Variants in TUBGCP2 observed in about 807,000 individuals in gnomAD.
The protein encoded by TUBGCP2 is tubulin gamma complex component 2.
TUBGCP2 carries 55 observed loss-of-function variants against 92.2 expected under a neutral mutation model. The observed-to-expected ratio is 0.60, with a 90% CI of 0.48 to 0.75. The LOEUF (loss-of-function observed/expected upper bound fraction) is 0.75, where lower values mean the gene tolerates loss of function less well. Ranked by LOEUF, TUBGCP2 falls within the 30% of genes least tolerant of loss-of-function variation. TUBGCP2 has a pLI of 0.00. For synonymous variants in TUBGCP2, 533 were observed against 505.2 expected (o/e 1.06, Z -0.74); for missense variants, 1,093 against 1,188.9 (o/e 0.92, Z 1.19).
In TUBGCP2 at chr10:133,285,492, T is replaced by C. The variant is rs998755474; in HGVS notation, c.1859A>G (p.Tyr620Cys). The C allele has an allele frequency of 5.6e-6, 9 of 1,611,938 alleles. No homozygotes were observed. The highest frequency in any genetic ancestry group is 7.6e-6 in the Non-Finnish European group (9 of 1,178,584). Reference sequence around the variant, plus strand: ...GAGCGAAAGGGGCCACTTGACGATGTAGTCGAAAGAGAAGGCCTCCAGGCC... The same window carrying C: ...GAGCGAAAGGGGCCACTTGACGATGCAGTCGAAAGAGAAGGCCTCCAGGCC... ...LSGLEAFSFDYIVKWPLSLII... is the reference protein window; with the variant it reads ...LSGLEAFSFDCIVKWPLSLII... The change falls in exon 12 of 18, where the codon TAC becomes TGC. Residue 620 changes from tyrosine to cysteine, a missense_variant. Physicochemically the swap from Tyr to Cys is radical, Grantham distance 194. Coordinates refer to ENST00000252936, the MANE Select transcript of TUBGCP2 (RefSeq NM_006659.4). The surrounding 1 kb of genome is among the most constrained non-coding windows in gnomAD (Gnocchi z 6.8).
In TUBGCP2 at chr10:133,285,321, A is replaced by C; in HGVS notation, c.1896-108T>G. 8 of 1,591,604 alleles carry C rather than the reference A, an allele frequency of 5.0e-6. No individual in the cohort carries two copies. The highest frequency in any genetic ancestry group is 6.8e-6 in the Non-Finnish European group (8 of 1,171,496). On this transcript the variant is annotated intron_variant, in intron 12 of 17. Coordinates refer to ENST00000252936, the MANE Select transcript of TUBGCP2 (RefSeq NM_006659.4). The surrounding 1 kb of genome is among the most constrained non-coding windows in gnomAD (Gnocchi z 6.8). ...ACCGTGGCCCCCGGACAGCCCGTGA[A>C]TCTCTCGGACACTGAAGGCCGGGGA... is the stretch of plus-strand genomic sequence containing the variant.
chr10:133,305,009 C>G (rs1442051322), intron 1 of TUBGCP2, among the ~76,000 whole-genome samples: 2 of 151,798 alleles, frequency 1.3e-5, no homozygotes, highest in Admixed American at 6.6e-5. Flanking sequence ...CTTAGCAGAC[C>G]GGGAAAGGGA....
At chr10:133,296,118 A>G (rs959751336) in intron 5 of TUBGCP2, 8 of 152,376 alleles carry the variant, frequency 5.3e-5, no homozygotes, top group African/African-American at 1.9e-4. Flanking sequence ...CAAGTCTCAC[A>G]CACTTGCTGC....
Position 133,306,555 on chromosome 10 carries a change from A to T in TUBGCP2, c.-40+2268T>A, listed in dbSNP as rs764347065. Reference sequence around the variant, plus strand: ...GTAATCTCAGCACTTTGGGAAGCCAAGGTGGGCGGATCATGAGGTCAGGAG... The same window carrying T: ...GTAATCTCAGCACTTTGGGAAGCCATGGTGGGCGGATCATGAGGTCAGGAG... On this transcript the variant is annotated intron_variant, in intron 1 of 17. Coordinates refer to ENST00000252936, the MANE Select transcript of TUBGCP2 (RefSeq NM_006659.4). Among the ~76,000 whole-genome samples the T allele has an allele frequency of 1.6e-4, 24 of 152,210 alleles. 1 individual carries two copies. The highest frequency in any genetic ancestry group is 6.5e-4 in the Admixed American group (10 of 15,276).
At position 133,298,769 on chromosome 10, in the gene TUBGCP2, G is replaced by A. The variant is rs145037684; in HGVS notation, c.456+658C>T. Among the ~76,000 whole-genome samples, 616 of 152,358 alleles carry A rather than the reference G, an allele frequency of 4.0e-3. 7 individuals carry two copies. Among genetic ancestry groups the A allele is most frequent in the African/African-American group, 0.014 (587 of 41,578 alleles). ...GTCTTCTGCCACGGCTGAGGGAGACGTGGACAGAGGCCTAGCACCATGTCC... is the reference window on the plus strand; with the variant it reads ...GTCTTCTGCCACGGCTGAGGGAGACATGGACAGAGGCCTAGCACCATGTCC... On this transcript the variant is annotated intron_variant, in intron 4 of 17. Coordinates refer to ENST00000252936, the MANE Select transcript of TUBGCP2 (RefSeq NM_006659.4).
intron 2 of TUBGCP2, among the ~76,000 whole-genome samples, chr10:133,301,361 G>C (rs1847650478): frequency 6.6e-6 from 1 of 152,124 alleles, no homozygotes; most frequent in South Asian, 2.1e-4. Context: ...CCAACCTTAG[G>C]TGATCCACCC....
At position 133,300,035 on chromosome 10, in the gene TUBGCP2, T is replaced by C. The variant is rs1460367705; in HGVS notation, c.229A>G (p.Asn77Asp). ...AACAGGTACACCAGCGGGTCAAGGTTCCTTGTATTTTTAGATTTCAGTTCA... is the reference window on the plus strand; with the variant it reads ...AACAGGTACACCAGCGGGTCAAGGTCCCTTGTATTTTTAGATTTCAGTTCA... ...YDELKSKNTR[N>D]LDPLVYLLSK... The change falls in exon 3 of 18, where the codon AAC becomes GAC. Residue 77 changes from asparagine (N) to aspartate (D), a missense_variant. This residue lies in a region of TUBGCP2 where 490 missense variants were observed against 488.5 expected (regional missense o/e 1.00). Coordinates refer to ENST00000252936, the MANE Select transcript of TUBGCP2 (RefSeq NM_006659.4). 42 of 1,614,088 alleles carry C rather than the reference T, an allele frequency of 2.6e-5. No individual in the cohort carries two copies. Among genetic ancestry groups the C allele is most frequent in the Non-Finnish European group, 3.5e-5 (41 of 1,180,044 alleles).
intron 2 of TUBGCP2, 78 bp downstream of exon 2, chr10:133,302,714 G>GAAC: frequency 6.3e-7 from 1 of 1,575,710 alleles, no homozygotes; most frequent in South Asian, 1.1e-5. Flanking sequence ...CCTGACCCAG[G>GAAC]GGTGGGCTCA....
upstream of TUBGCP2, chr10:133,311,910 C>T (rs910650597): frequency 2.5e-6 from 4 of 1,613,036 alleles, no homozygotes; most frequent in African/African-American, 2.7e-5. Flanking sequence ...CTGGGCTGCA[C>T]CTGGGCCGCA....
chr10:133,309,556 G>T, upstream of TUBGCP2: 1 of 1,448,214 alleles, frequency 6.9e-7, no homozygotes, highest in Non-Finnish European at 9.5e-7. Context: ...GCTCTTCCAT[G>T]TGCGGCCGCC....
rs1247858116 is a variant in TUBGCP2 at position 133,281,293 on chromosome 10, G to A, written c.2553C>T (p.Gly851=). The change falls in exon 17 of 18, where the codon GGC becomes GGT. Residue 851 remains glycine, a synonymous_variant. Transcript: ENST00000252936. ...CCCACCTGGAGATGACGCTGGCCAT[G>A]CCGTGCTCACAGTCACTGGTGCTAT... is the stretch of plus-strand genomic sequence containing the variant. The part of the protein sequence containing the change: ...SIYSTSDCEH[G]MASVISRLDF... The A allele has an allele frequency of 1.2e-6, 2 of 1,612,092 alleles. No individual in the cohort carries two copies. Among genetic ancestry groups the A allele is most frequent in the Non-Finnish European group, 1.7e-6 (2 of 1,179,914 alleles).
intron 5 of TUBGCP2, among the ~76,000 whole-genome samples, chr10:133,296,424 C>T (rs1847488575): frequency 6.6e-6 from 1 of 152,108 alleles, no homozygotes; most frequent in East Asian, 1.9e-4. Context: ...TAAGTCTTCA[C>T]AGTTGGGTTT....
intron 1 of TUBGCP2, among the ~76,000 whole-genome samples, chr10:133,304,246 G>C (rs186114141): frequency 6.6e-6 from 1 of 152,132 alleles, no homozygotes; most frequent in Non-Finnish European, 1.5e-5. Context: ...TGGGAGGATC[G>C]CTTGAGCCAC....
At chr10:133,309,296 G>T, upstream of TUBGCP2, 1 of 1,467,132 alleles carries the variant, frequency 6.8e-7, no homozygotes, top group Non-Finnish European at 9.2e-7. Context: ...GGACCGGAGC[G>T]CGGGATGACT....
In TUBGCP2 at chr10:133,291,164, C is replaced by T. The variant is rs189778574; in HGVS notation, c.1215-1195G>A. The T allele has an allele frequency of 2.6e-5, 10 of 389,352 alleles. No homozygotes were observed. The East Asian group carries it at 3.6e-4, about 14-fold the overall frequency. The allele number at this position is 389,352 out of a possible 1,614,324, so 24.1% of individuals were successfully genotyped here. A position where few individuals can be genotyped will look rare whatever the true frequency, so the allele number is the denominator to read the frequency against. On this transcript the variant is annotated intron_variant, in intron 8 of 17. Coordinates refer to ENST00000252936, the MANE Select transcript of TUBGCP2 (RefSeq NM_006659.4). ...CTGGGCCCCATGGGCAGCAGGCGGA[C>T]ATCTGCCCGGGGTGTGCTTTCCTGA...
At chr10:133,281,575 G>T (rs1846978710) in intron 16 of TUBGCP2, 139 bp from the exon 17 acceptor site, 3 of 1,137,438 alleles carry the variant, frequency 2.6e-6, no homozygotes, top group Non-Finnish European at 3.6e-6. Context: ...GATGTTTTCA[G>T]GAGATTCAAG....
chr10:133,289,573 C>T (rs1201240178), intron 9 of TUBGCP2, among the ~76,000 whole-genome samples: 1 of 152,202 alleles, frequency 6.6e-6, no homozygotes, highest in Non-Finnish European at 1.5e-5. Flanking sequence ...GAGAGCCTCG[C>T]AGGGTCAGGG....
chr10:133,300,152 T>A, intron 2 of TUBGCP2, 39 bp from the exon 3 acceptor site: 1 of 1,596,900 alleles, frequency 6.3e-7, no homozygotes, highest in Non-Finnish European at 8.5e-7. Flanking sequence ...TGACGGTAAT[T>A]AATAAAGCAC....
Position 133,281,388 on chromosome 10 carries a change from C to T in TUBGCP2, c.2458G>A (p.Ala820Thr), listed in dbSNP as rs538460913. ...DTVQLVSGFE[A>T]TINKFDKNFS... is the part of the protein sequence containing the mutation. The stretch of plus-strand genomic sequence containing the variant: ...TTCTTGTCAAACTTGTTGATGGTGG[C>T]CTCGAAGCCGGACACCAGCTGCACA... The change falls in exon 17 of 18, where the codon GCC becomes ACC. Residue 820 changes from alanine (A) to threonine (T), a missense_variant. Coordinates refer to ENST00000252936, the MANE Select transcript of TUBGCP2 (RefSeq NM_006659.4). 3.7e-6 allele frequency: 6 copies of T among 1,613,794 alleles called. No individual in the cohort carries two copies. The highest frequency in any genetic ancestry group is 1.7e-4 in the Middle Eastern group (1 of 5,988).
Sources: allele counts gnomAD v4.1 joint callset (sites outside exome capture counted in the v4.1 genomes callset), GRCh38; gene constraint gnomAD v4.1.1; regional missense constraint gnomAD v4.1.1; non-coding constraint Gnocchi (gnomAD v3.1); transcripts MANE v1.5; gene names NCBI Gene and HGNC (gene_info 2026-07-23, HGNC 2026-07-21).